BLTP3A: variants seen among roughly 807,000 people sequenced by gnomAD.
The protein encoded by BLTP3A is ICBP90 binding protein 1.
the BLTP3A span, among the ~76,000 whole-genome samples, chr6:34,854,477 G>A: frequency 6.6e-6 from 1 of 152,106 alleles, no homozygotes; most frequent in Non-Finnish European, 1.5e-5. Flanking sequence ...TCTTAACCCA[G>A]TAATGAATAA....
At chr6:34,844,399 C>T in the BLTP3A span, among the ~76,000 whole-genome samples, 19 of 152,164 alleles carry the variant, frequency 1.2e-4, no homozygotes, top group Admixed American at 1.0e-3. Flanking sequence ...CTCACCCTCC[C>T]GAGTAGCTGG....
chr6:34,867,600 G>T, the BLTP3A span: 1 of 1,613,036 alleles, frequency 6.2e-7, no homozygotes, highest in Non-Finnish European at 8.5e-7. Flanking sequence ...GGCAGTTCCT[G>T]CATGGACAGT....
chr6:34,840,849 C>T, the BLTP3A span, among the ~76,000 whole-genome samples: 3 of 151,984 alleles, frequency 2.0e-5, no homozygotes, highest in Non-Finnish European at 4.4e-5. Flanking sequence ...ATTCCCTGAC[C>T]TTGTGATCCG....
the BLTP3A span, among the ~76,000 whole-genome samples, chr6:34,797,685 T>C: frequency 6.6e-6 from 1 of 152,254 alleles, no homozygotes; most frequent in Non-Finnish European, 1.5e-5. Flanking sequence ...TCTCATTTTC[T>C]TGTGTTGCTT....
the BLTP3A span, chr6:34,872,250 T>G: frequency 1.3e-6 from 2 of 1,538,816 alleles, no homozygotes; most frequent in Non-Finnish European, 1.7e-6. Flanking sequence ...CTGTTCCCTT[T>G]ACTGGCGGTT....
At chr6:34,834,855 A>G in the BLTP3A span, 1 of 1,613,326 alleles carries the variant, frequency 6.2e-7, no homozygotes, top group Non-Finnish European at 8.5e-7. Flanking sequence ...TAGCCCTCAA[A>G]AGAAGAGTAA....
the BLTP3A span, among the ~76,000 whole-genome samples, chr6:34,826,413 C>T: frequency 4.4e-4 from 64 of 146,782 alleles, no homozygotes; most frequent in Admixed American, 2.8e-3. Context: ...GGCTGGAGTG[C>T]GGTGGTGCAG....
chr6:34,836,153 T>C, the BLTP3A span: 1 of 1,613,898 alleles, frequency 6.2e-7, no homozygotes, highest in Non-Finnish European at 8.5e-7. Context: ...CTGTCACATG[T>C]AGATCACTCC....
At chr6:34,871,610 A>G in the BLTP3A span, 1 of 1,613,578 alleles carries the variant, frequency 6.2e-7, no homozygotes, top group East Asian at 2.2e-5. Context: ...TCTATCCAAC[A>G]TCTCCAGGCC....
At chr6:34,834,397 C>T in the BLTP3A span, 5 of 1,612,896 alleles carry the variant, frequency 3.1e-6, no homozygotes, top group Admixed American at 5.0e-5. Context: ...CTGACCCCTG[C>T]CGAGGAGAGG....
the BLTP3A span, among the ~76,000 whole-genome samples, chr6:34,815,018 G>T: frequency 6.6e-6 from 1 of 152,152 alleles, no homozygotes; most frequent in East Asian, 1.9e-4. Context: ...CTGTCATCTA[G>T]GGCAAACTGC....
the BLTP3A span, among the ~76,000 whole-genome samples, chr6:34,840,938 A>C: frequency 2.0e-5 from 3 of 151,800 alleles, no homozygotes; most frequent in African/African-American, 4.8e-5. Flanking sequence ...TACTGCTTTC[A>C]TATAGCTATT....
At chr6:34,846,618 C>T in the BLTP3A span, among the ~76,000 whole-genome samples, 3 of 152,250 alleles carry the variant, frequency 2.0e-5, 1 homozygote, top group Middle Eastern at 6.8e-3. Context: ...GATTTTATAT[C>T]CTGCAGCTTT....
the BLTP3A span, among the ~76,000 whole-genome samples, chr6:34,792,954 T>C: frequency 4.6e-5 from 7 of 152,206 alleles, no homozygotes; most frequent in Non-Finnish European, 8.8e-5. Flanking sequence ...CCTCTGGACT[T>C]CTTTTTCCCT....
the BLTP3A span, among the ~76,000 whole-genome samples, chr6:34,800,894 A>C: frequency 6.6e-6 from 1 of 151,786 alleles, no homozygotes; most frequent in African/African-American, 2.4e-5. Flanking sequence ...TGCCTGGCTA[A>C]TTTTTTGTAT....
the BLTP3A span, among the ~76,000 whole-genome samples, chr6:34,824,508 A>G: frequency 6.8e-6 from 1 of 148,110 alleles, no homozygotes; most frequent in African/African-American, 2.5e-5. Flanking sequence ...CAGTGAGCCG[A>G]GATCGCGCCA....
chr6:34,857,659 T>C, the BLTP3A span: 1 of 1,511,356 alleles, frequency 6.6e-7, no homozygotes, highest in African/African-American at 1.4e-5. Context: ...ATAGTTAATA[T>C]TAGGTAGTAA....
chr6:34,831,260 T>A, the BLTP3A span, among the ~76,000 whole-genome samples: 1 of 152,062 alleles, frequency 6.6e-6, no homozygotes, highest in Non-Finnish European at 1.5e-5. Context: ...CCTGAGTGGC[T>A]GGGATTACAG....
chr6:34,825,205 A>T, the BLTP3A span, among the ~76,000 whole-genome samples: 2 of 152,214 alleles, frequency 1.3e-5, no homozygotes, highest in Non-Finnish European at 2.9e-5. Flanking sequence ...TTAATCTGGT[A>T]GATTTAAAGG....
Sources: gnomAD v4.1 joint callset for allele counts (sites outside exome capture counted in the v4.1 genomes callset) on GRCh38, gnomAD v4.1.1 for gene constraint, MANE v1.5 for transcripts, NCBI Gene and HGNC (gene_info 2026-07-23, HGNC 2026-07-21) for gene names.